The following ZNF678 variants were observed in gnomAD, a reference collection of about 807,000 sequenced individuals.
ZNF678 encodes the protein zinc finger protein 678.
In ZNF678, 5 loss-of-function variants were observed where a neutral mutation model predicts 3.0. The observed-to-expected ratio is 1.69, with a 90% CI of 0.88 to 3.56. The LOEUF is 3.56. Ranked by LOEUF, ZNF678 falls within the 30% of genes most tolerant of loss-of-function variation. ZNF678 has a pLI of 0.00. For missense variants in ZNF678, 593 were observed against 605.0 expected, an observed-to-expected ratio of 0.98 and a Z score of 0.21; for synonymous variants, 218 against 199.6, an observed-to-expected ratio of 1.09 and a Z score of -0.78.
At chr1:227,645,517 C>T (rs1335094063) in intron 1 of ZNF678, among the ~76,000 whole-genome samples, 2 of 152,092 alleles carry the variant, frequency 1.3e-5, no homozygotes, top group African/African-American at 4.8e-5. Flanking sequence ...TGTTTTATAT[C>T]CATTCAGGCT....
At chr1:227,595,666 G>A (rs1403210433) in intron 1 of ZNF678, among the ~76,000 whole-genome samples, 2 of 152,068 alleles carry the variant, frequency 1.3e-5, no homozygotes, top group Admixed American at 6.6e-5. Context: ...CGGGTAAAAA[G>A]GGCACACACA....
chr1:227,671,472 C>T (rs1475250792), intron 5 of ZNF678, among the ~76,000 whole-genome samples: 1 of 152,040 alleles, frequency 6.6e-6, no homozygotes, highest in African/African-American at 2.4e-5. Flanking sequence ...TTTTCATGCC[C>T]AGTGTAGTAT....
chr1:227,663,482 C>T (rs1029257055), downstream of ZNF678, among the ~76,000 whole-genome samples: 1 of 152,108 alleles, frequency 6.6e-6, no homozygotes, highest in African/African-American at 2.4e-5. Context: ...CAGAGAAATG[C>T]GTAGGATACC....
chr1:227,586,576 T>C (rs917522751), intron 1 of ZNF678, among the ~76,000 whole-genome samples: 32 of 152,238 alleles, frequency 2.1e-4, no homozygotes, highest in Admixed American at 9.2e-4. Context: ...TAAAAATAAG[T>C]AACTAAGAGT....
chr1:227,601,142 T>C (rs1460818847), intron 1 of ZNF678, among the ~76,000 whole-genome samples: 1 of 152,240 alleles, frequency 6.6e-6, no homozygotes, highest in Non-Finnish European at 1.5e-5. Flanking sequence ...ATCAGTACCA[T>C]GCCACTTTGG....
At chr1:227,640,959 A>G (rs535891068) in intron 1 of ZNF678, among the ~76,000 whole-genome samples, 18 of 152,374 alleles carry the variant, frequency 1.2e-4, no homozygotes, top group African/African-American at 4.3e-4. Flanking sequence ...CCAGATGATC[A>G]TTGAGTACCT....
chr1:227,672,546 A>G (rs1659618906), intron 5 of ZNF678, among the ~76,000 whole-genome samples: 1 of 151,956 alleles, frequency 6.6e-6, no homozygotes, highest in African/African-American at 2.4e-5. Context: ...TCATCATCTC[A>G]ACCTTAGTGT....
rs780260229 is a variant in ZNF678 at position 227,651,005 on chromosome 1, CA to C, written c.15del (p.Leu6PhefsTer39). The part of the protein sequence containing the change: MGTI[S>X]LCIGVCAFEG... ...GAAGCATTGATAATGGGCACAATAT[CA>C]CTTTGCATTGGTGTCTGTGCATTTG... On this transcript the variant is annotated frameshift_variant, in exon 3 of 4. Coordinates refer to ENST00000343776, the MANE Select transcript of ZNF678 (RefSeq NM_001367909.1). LOFTEE classifies it high-confidence loss of function. 1 of 1,613,008 alleles carries C rather than the reference CA, an allele frequency of 6.2e-7. No homozygotes were observed. Among genetic ancestry groups the C allele is most frequent in the Non-Finnish European group, 8.5e-7 (1 of 1,179,716 alleles).
chr1:227,676,800 C>G (rs1659688100), intron 5 of ZNF678, among the ~76,000 whole-genome samples: 1 of 151,624 alleles, frequency 6.6e-6, no homozygotes, highest in Non-Finnish European at 1.5e-5. Context: ...CGATAGTTTG[C>G]TGAGAATGAT....
At chr1:227,679,600 CAG>C (rs1659733889), downstream of ZNF678, among the ~76,000 whole-genome samples, 1 of 151,792 alleles carries the variant, frequency 6.6e-6, no homozygotes, top group Admixed American at 6.6e-5. Flanking sequence ...ATTGCTCACT[CAG>C]GGAGCTCAGC....
chr1:227,621,312 G>A (rs1658275198), intron 1 of ZNF678, among the ~76,000 whole-genome samples: 1 of 152,168 alleles, frequency 6.6e-6, no homozygotes. Context: ...GCTTAGTGAG[G>A]GAGCTTTCCT....
chr1:227,651,475 A>G (rs991859788), intron 3 of ZNF678, among the ~76,000 whole-genome samples: 2 of 152,170 alleles, frequency 1.3e-5, no homozygotes, highest in African/African-American at 4.8e-5. Flanking sequence ...TTCTGCATCT[A>G]TGGCCGTGAA....
chr1:227,566,515 GTCAGTGAGCACT>G (rs1316798071), intron 1 of ZNF678, among the ~76,000 whole-genome samples: 1 of 152,208 alleles, frequency 6.6e-6, no homozygotes, highest in Non-Finnish European at 1.5e-5. Flanking sequence ...AGACAGAATG[GTCAGTGAGCACT>G]TCAGTGAGCA....
intron 5 of ZNF678, among the ~76,000 whole-genome samples, chr1:227,667,990 A>G (rs1263563414): frequency 2.0e-5 from 3 of 152,340 alleles, no homozygotes; most frequent in Non-Finnish European, 4.4e-5. Context: ...TGGAACATTT[A>G]GATATTTTAT....
intron 1 of ZNF678, among the ~76,000 whole-genome samples, chr1:227,590,697 G>A (rs962973069): frequency 1.3e-5 from 2 of 151,816 alleles, no homozygotes; most frequent in African/African-American, 4.9e-5. Flanking sequence ...ACAACTACCT[G>A]TCCACTGATC....
rs948703372 is a variant in ZNF678, at chr1:227,661,269, T to G, written c.*5441T>G. 2 of 148,384 alleles carry G rather than the reference T, an allele frequency of 1.3e-5. No homozygotes were observed. Among genetic ancestry groups the G allele is most frequent in the East Asian group, 2.0e-4 (1 of 4,972 alleles). The allele number at this position is 148,384 out of a possible 1,614,324, so 9.2% of individuals were successfully genotyped here. ...TATTTTGTTGAACGTGGGACCTTTG[T>G]TTTTTTTTGTTGTTTTGTTTTGTTT... On this transcript the variant is annotated 3_prime_UTR_variant, in exon 4 of 4. Coordinates refer to ENST00000343776, the MANE Select transcript of ZNF678 (RefSeq NM_001367909.1).
intron 1 of ZNF678, among the ~76,000 whole-genome samples, chr1:227,585,529 C>T (rs1657236003): frequency 6.6e-6 from 1 of 152,180 alleles, no homozygotes; most frequent in Admixed American, 6.5e-5. Context: ...AATCCCAGCA[C>T]TTTGGGAAGC....
chr1:227,661,289 TTGTTTTGTTTTTG>T lies in ZNF678; in HGVS notation c.*5463_*5475del, dbSNP rs1468285467. On this transcript the variant is annotated 3_prime_UTR_variant, in exon 4 of 4. Transcript: ENST00000343776. ...CTTTGTTTTTTTTTGTTGTTTTGTT[TTGTTTTGTTTTTG>T]TTGTTGTTGTTGTTGTTGTTTACCA... The T allele has an allele frequency of 1.5e-5, 2 of 133,838 alleles. No individual in the cohort carries two copies. The highest frequency in any genetic ancestry group is 5.2e-4 in the South Asian group (2 of 3,872). 8.3% of individuals were successfully genotyped at this position (133,838 alleles called of 1,614,324 possible).
At chr1:227,633,208 G>A (rs371495152) in intron 1 of ZNF678, among the ~76,000 whole-genome samples, 2 of 152,122 alleles carry the variant, frequency 1.3e-5, no homozygotes, top group African/African-American at 4.8e-5. Context: ...AGCTCAAGTC[G>A]GAACAAACAG....
Sources: gnomAD v4.1 joint callset for allele counts (sites outside exome capture counted in the v4.1 genomes callset) on GRCh38, gnomAD v4.1.1 for gene constraint, MANE v1.5 for transcripts, NCBI Gene and HGNC (gene_info 2026-07-23, HGNC 2026-07-21) for gene names.